PLD2: variants seen among roughly 807,000 people sequenced by gnomAD.
PLD2 encodes the protein phospholipase D2, also known as choline phosphatase 2.
PLD2 carries 101 observed loss-of-function variants against 119.8 expected under a neutral mutation model. That is an observed-to-expected ratio of 0.84 (90% confidence interval 0.72 to 0.99). PLD2 has a LOEUF of 0.99. Among genes scored for constraint, PLD2 ranks in the 50% least tolerant of loss-of-function variants. PLD2 has a pLI of 0.00. For missense variants in PLD2, 1,164 were observed against 1,226.8 expected, an observed-to-expected ratio of 0.95 and a Z score of 0.76; for synonymous variants, 494 against 482.8, an observed-to-expected ratio of 1.02 and a Z score of -0.30.
Position 4,809,550 on chromosome 17 carries a change from CTG to C in PLD2, c.614+2_614+3del. 1 of 1,606,090 alleles carries C rather than the reference CTG, an allele frequency of 6.2e-7. No homozygotes were observed. The highest frequency in any genetic ancestry group is 1.1e-5 in the South Asian group (1 of 90,468). On this transcript the variant is annotated splice_donor_variant and coding_sequence_variant, in exon 7 of 25. Coordinates refer to ENST00000263088, the MANE Select transcript of PLD2 (RefSeq NM_002663.5). LOFTEE classifies it high-confidence loss of function. ...TATCCCGGACTTGGGCCGCAAAGGA[CTG>C]TGAGTGTCTGGCCCCCTTCACCCAG...
Position 4,814,678 on chromosome 17 carries a change from CTG to C in PLD2, c.1141_1142del (p.Trp381GlufsTer22), listed in dbSNP as rs1567529578. The C allele has an allele frequency of 6.2e-7, 1 of 1,614,088 alleles. No individual in the cohort carries two copies. The highest frequency in any genetic ancestry group is 8.5e-7 in the Non-Finnish European group (1 of 1,180,032). On this transcript the variant is annotated frameshift_variant, in exon 12 of 25. Coordinates refer to ENST00000263088, the MANE Select transcript of PLD2 (RefSeq NM_002663.5). LOFTEE classifies it high-confidence loss of function. Reference sequence around the variant, plus strand: ...TGAAGCGTCCGGCCCATTCAGATGACTGGAGACTGGACATTATGCTCAAGAGG... The same window carrying C: ...TGAAGCGTCCGGCCCATTCAGATGACGAGACTGGACATTATGCTCAAGAGG... ...YLKRPAHSDD[W>X]RLDIMLKRKA... is the part of the protein sequence containing the mutation.
Position 4,808,338 on chromosome 17 carries a change from AGAAATACC to A in PLD2, c.307_314del (p.Lys103SerfsTer48). 1 of 1,614,074 alleles carries A rather than the reference AGAAATACC, an allele frequency of 6.2e-7. No individual in the cohort carries two copies. The highest frequency in any genetic ancestry group is 8.5e-7 in the Non-Finnish European group (1 of 1,179,970). ...GGCGACTTTTCCTGGACAACCAAGAAGAAATACCGTCATTTTCAGGAGCTGCATCGGGA... is the reference window on the plus strand; with the variant it reads ...GGCGACTTTTCCTGGACAACCAAGAAGTCATTTTCAGGAGCTGCATCGGGA... On this transcript the variant is annotated frameshift_variant, in exon 4 of 25. Transcript: ENST00000263088. LOFTEE classifies it high-confidence loss of function. The surrounding 1 kb of genome is among the most constrained non-coding windows in gnomAD (Gnocchi z 4.1).
Position 4,809,999 on chromosome 17 carries a change from G to C in PLD2, c.830G>C (p.Arg277Pro), listed in dbSNP as rs752546625. 1 of 1,613,648 alleles carries C rather than the reference G, an allele frequency of 6.2e-7. No individual in the cohort carries two copies. Among genetic ancestry groups the C allele is most frequent in the Non-Finnish European group, 8.5e-7 (1 of 1,180,038 alleles). The part of the protein sequence containing the change: ...VQVGKRSTEA[R>P]HGVRIDTSHR... The stretch of plus-strand genomic sequence containing the variant: ...GTGGGGAAAAGGAGCACGGAGGCAC[G>C]GCACGGCGTGCGGATCGATACCTCC... Residue 277 changes from arginine (R) to proline (P), a missense_variant, in exon 9 of 25, where the codon CGG becomes CCG. Transcript: ENST00000263088.
intron 5 of PLD2, 36 bp from the exon 6 acceptor site, chr17:4,809,262 C>G (rs1441154118): frequency 1.2e-6 from 2 of 1,610,728 alleles, no homozygotes. Context: ...TGGCTCGGTC[C>G]CATCTGTCTC....
At chr17:4,816,896 C>T in intron 15 of PLD2, 41 bp from the exon 16 acceptor site, 3 of 1,586,226 alleles carry the variant, frequency 1.9e-6, no homozygotes, top group Non-Finnish European at 2.6e-6. Context: ...CCCAAGGAGT[C>T]CAGCCCTGAC....
chr17:4,820,104 C>T (rs1839095425), intron 23 of PLD2, among the ~76,000 whole-genome samples: 1 of 151,340 alleles, frequency 6.6e-6, no homozygotes, highest in Non-Finnish European at 1.5e-5. Flanking sequence ...GCCACCACGC[C>T]CAGCTAATTT....
chr17:4,809,665 C>T lies in PLD2; in HGVS notation c.615-26C>T, dbSNP rs752836824. 106 of 1,613,292 alleles carry T rather than the reference C, an allele frequency of 6.6e-5. No homozygotes were observed. In the South Asian group the frequency reaches 6.9e-4, roughly 11 times the overall value. The stretch of plus-strand genomic sequence containing the variant: ...GGCTGGGGGTCTGGAGTCCTCATCC[C>T]GCCTCTCTTCCTGATTGTCCCACAG... On this transcript the variant is annotated intron_variant, in intron 7 of 24. Coordinates refer to ENST00000263088, the MANE Select transcript of PLD2 (RefSeq NM_002663.5).
intron 24 of PLD2, 68 bp from the exon 25 acceptor site, chr17:4,822,572 C>T (rs1907789654): frequency 3.7e-6 from 4 of 1,088,068 alleles, no homozygotes; most frequent in Admixed American, 1.8e-5. Flanking sequence ...AGGGGTCTAG[C>T]CTAGTTGGAC....
In PLD2 at chr17:4,818,134, C is replaced by T. The variant is rs1441018855; in HGVS notation, c.1920+28C>T. Reference sequence around the variant, plus strand: ...CTGACTGGGAGGAGGTGGGGGAGAGCATGGAAGGGGTGTCCCAGGAGAGAG... The same window carrying T: ...CTGACTGGGAGGAGGTGGGGGAGAGTATGGAAGGGGTGTCCCAGGAGAGAG... On this transcript the variant is annotated intron_variant, in intron 18 of 24. Coordinates refer to ENST00000263088, the MANE Select transcript of PLD2 (RefSeq NM_002663.5). 7.8e-6 allele frequency: 12 copies of T among 1,544,102 alleles called. No individual in the cohort carries two copies. In the East Asian group the frequency reaches 2.7e-4, roughly 35 times the overall value.
chr17:4,818,517 A>C lies in PLD2; in HGVS notation c.2033A>C (p.Tyr678Ser). The C allele has an allele frequency of 6.2e-7, 1 of 1,613,886 alleles. No individual in the cohort carries two copies. The highest frequency in any genetic ancestry group is 2.2e-5 in the East Asian group (1 of 44,866). Residue 678 changes from tyrosine to serine, a missense_variant, in exon 20 of 25, where the codon TAC becomes TCC. Transcript: ENST00000263088. ...AHKQGWCYRV[Y>S]VLLPLLPGFE... is the part of the protein sequence containing the mutation. The stretch of plus-strand genomic sequence containing the variant: ...AGACAGGGGTGGTGTTACCGAGTCT[A>C]CGTGCTTTTGCCCTTACTCCCTGGC...
At chr17:4,818,273 G>A (rs376828264) in intron 18 of PLD2, 24 bp from the exon 19 acceptor site, 3 of 1,600,590 alleles carry the variant, frequency 1.9e-6, no homozygotes, top group Non-Finnish European at 2.6e-6. Context: ...GGCTGCTGAT[G>A]TCTGTCTCTG....
In PLD2 at chr17:4,809,955, C is replaced by T. The variant is rs1350334888; in HGVS notation, c.786C>T (p.Asp262=). The change falls in exon 9 of 25, where the codon GAC becomes GAT. Residue 262 remains aspartate (D), a synonymous_variant. Coordinates refer to ENST00000263088, the MANE Select transcript of PLD2 (RefSeq NM_002663.5). The part of the protein sequence containing the change: ...TGAISFVQLF[D]PGFEVQVGKR... Reference sequence around the variant, plus strand: ...CCATCTCATTTGTTCAGCTCTTTGACCCTGGCTTTGAGGTGCAAGTGGGGA... The same window carrying T: ...CCATCTCATTTGTTCAGCTCTTTGATCCTGGCTTTGAGGTGCAAGTGGGGA... 9 of 1,614,028 alleles carry T rather than the reference C, an allele frequency of 5.6e-6. No homozygotes were observed. Among genetic ancestry groups the T allele is most frequent in the Non-Finnish European group, 7.6e-6 (9 of 1,180,036 alleles).
rs1172516572 is a variant in PLD2, at chr17:4,822,771, G to T, written c.2709G>T (p.Leu903=). The change falls in exon 25 of 25, where the codon CTG becomes CTT. Residue 903 remains leucine, a synonymous_variant. Coordinates refer to ENST00000263088, the MANE Select transcript of PLD2 (RefSeq NM_002663.5). Reference sequence around the variant, plus strand: ...AGCTCACCCAGGTCCAGGGCCACCTGGTCCACTTCCCCCTCAAGTTCCTAG... The same window carrying T: ...AGCTCACCCAGGTCCAGGGCCACCTTGTCCACTTCCCCCTCAAGTTCCTAG... The part of the protein sequence containing the change: ...RSELTQVQGH[L]VHFPLKFLED... The T allele has an allele frequency of 6.2e-7, 1 of 1,613,872 alleles. No homozygotes were observed. The highest frequency in any genetic ancestry group is 1.7e-5 in the Admixed American group (1 of 60,022).
Position 4,809,247 on chromosome 17 carries a change from G to A in PLD2, c.489+42G>A, listed in dbSNP as rs781057022. The A allele has an allele frequency of 3.1e-6, 5 of 1,611,134 alleles. No homozygotes were observed. The South Asian group carries it at 5.5e-5, about 18-fold the overall frequency. Reference sequence around the variant, plus strand: ...GGTCCTCCGGGAAGGCATTGGAGGTGCAAATGGCTCGGTCCCATCTGTCTC... The same window carrying A: ...GGTCCTCCGGGAAGGCATTGGAGGTACAAATGGCTCGGTCCCATCTGTCTC... On this transcript the variant is annotated intron_variant, in intron 5 of 24. Transcript: ENST00000263088.
chr17:4,822,366 C>T (rs544845900), intron 24 of PLD2, among the ~76,000 whole-genome samples: 1 of 151,278 alleles, frequency 6.6e-6, no homozygotes, highest in South Asian at 2.1e-4. Flanking sequence ...GTGGTGGGCA[C>T]CTGTAATCCC....
Position 4,815,819 on chromosome 17 carries a change from T to C in PLD2, c.1340T>C (p.Val447Ala), listed in dbSNP as rs201836893. 21 of 1,614,052 alleles carry C rather than the reference T, an allele frequency of 1.3e-5. No individual in the cohort carries two copies. Among genetic ancestry groups the C allele is most frequent in the Non-Finnish European group, 2.5e-6 (3 of 1,179,986 alleles). ...TLWAHHEKLLVVDQVVAFLGG... is the reference protein window; with the variant it reads ...TLWAHHEKLLAVDQVVAFLGG... Reference sequence around the variant, plus strand: ...TGGGCCCATCATGAGAAGCTCCTGGTGGTGGACCAAGTGGTAGCATTCCTG... The same window carrying C: ...TGGGCCCATCATGAGAAGCTCCTGGCGGTGGACCAAGTGGTAGCATTCCTG... The change falls in exon 14 of 25, where the codon GTG becomes GCG. Residue 447 changes from valine (V) to alanine (A), a missense_variant. Transcript: ENST00000263088.
chr17:4,819,749 G>T lies in PLD2; in HGVS notation c.2462+167G>T, dbSNP rs1431079659. 6.6e-6 allele frequency among the ~76,000 whole-genome samples: 1 copy of T among 151,878 alleles called. No homozygotes were observed. The highest frequency in any genetic ancestry group is 1.5e-5 in the Non-Finnish European group (1 of 68,022). On this transcript the variant is annotated intron_variant, in intron 23 of 24. Transcript: ENST00000263088. The surrounding 1 kb of genome is among the most constrained non-coding windows in gnomAD (Gnocchi z 4.2). ...GCGGCAGCTCACGCCTCTAATCCCAGCACTTTGGGAGGCCAAGGCGGGTGG... is the reference window on the plus strand; with the variant it reads ...GCGGCAGCTCACGCCTCTAATCCCATCACTTTGGGAGGCCAAGGCGGGTGG...
intron 12 of PLD2, among the ~76,000 whole-genome samples, chr17:4,815,210 G>A (rs978746768): frequency 3.9e-5 from 6 of 151,980 alleles, no homozygotes; most frequent in African/African-American, 7.3e-5. Context: ...AATGATAGAC[G>A]GTACATAAAG....
rs772505540 is a variant in PLD2 at position 4,818,391 on chromosome 17, G to A, written c.2009+6G>A. 1.2e-6 allele frequency: 2 copies of A among 1,613,966 alleles called. No homozygotes were observed. Among genetic ancestry groups the A allele is most frequent in the East Asian group, 2.2e-5 (1 of 44,890 alleles). ...AGAATCCTGAAGGCCCACAAGTAAG[G>A]TGGACTGTCAGGAAGGTGGGGACTG... On this transcript the variant is annotated splice_donor_region_variant and intron_variant, in intron 19 of 24. Coordinates refer to ENST00000263088, the MANE Select transcript of PLD2 (RefSeq NM_002663.5).
Sources: gnomAD v4.1 joint callset for allele counts (sites outside exome capture counted in the v4.1 genomes callset) on GRCh38, gnomAD v4.1.1 for gene constraint, Gnocchi (gnomAD v3.1) non-coding constraint, MANE v1.5 for transcripts, NCBI Gene and HGNC (gene_info 2026-07-23, HGNC 2026-07-21) for gene names.